Variants in GPCPD1 observed in about 807,000 individuals in gnomAD.
The protein encoded by GPCPD1 is glycerophosphocholine phosphodiesterase GPCPD1.
Under a neutral mutation model 89.2 loss-of-function variants are expected in GPCPD1, and 29 were observed. The observed-to-expected ratio is 0.33, with a 90% CI of 0.24 to 0.44. The LOEUF (loss-of-function observed/expected upper bound fraction) is 0.44, where lower values mean the gene tolerates loss of function less well. Among genes scored for constraint, GPCPD1 ranks in the 20% least tolerant of loss-of-function variants. The pLI is 1.00. For synonymous variants in GPCPD1, 258 were observed against 266.3 expected (o/e 0.97, Z 0.30); for missense variants, 594 against 808.9 (o/e 0.73, Z 3.22).
At chr20:5,597,319 G>A (rs908783149) in intron 3 of GPCPD1, among the ~76,000 whole-genome samples, 1 of 152,080 alleles carries the variant, frequency 6.6e-6, no homozygotes, top group African/African-American at 2.4e-5. Flanking sequence ...TTTACCACCA[G>A]TGCTCCTCAA....
intron 4 of GPCPD1, among the ~76,000 whole-genome samples, chr20:5,591,386 A>G (rs1266596911): frequency 6.6e-6 from 1 of 152,222 alleles, no homozygotes; most frequent in East Asian, 1.9e-4. Flanking sequence ...AAAAATCTGT[A>G]GTTCAAACCT....
intron 15 of GPCPD1, among the ~76,000 whole-genome samples, chr20:5,562,643 T>C (rs1253502257): frequency 1.3e-5 from 2 of 152,230 alleles, no homozygotes; most frequent in African/African-American, 4.8e-5. Context: ...ATATGGTATT[T>C]AATTTTTAAC....
rs1408758758 is a variant in GPCPD1, at chr20:5,578,427, G to C, written c.658C>G (p.Gln220Glu). The C allele has an allele frequency of 6.2e-7, 1 of 1,613,760 alleles. No homozygotes were observed. Among genetic ancestry groups the C allele is most frequent in the Non-Finnish European group, 8.5e-7 (1 of 1,179,740 alleles). The change falls in exon 8 of 20, where the codon CAG becomes GAG. Residue 220 changes from glutamine (Q) to glutamate (E), a missense_variant. Transcript: ENST00000379019. Reference sequence around the variant, plus strand: ...TCCAGGTTATCTGGTTCCATCGTCTGTATGCTGTACTCTGTCCAACGATCA... The same window carrying C: ...TCCAGGTTATCTGGTTCCATCGTCTCTATGCTGTACTCTGTCCAACGATCA... ...QPDRWTEYSI[Q>E]TMEPDNLELI...
intron 19 of GPCPD1, 99 bp downstream of exon 19, chr20:5,557,846 C>T (rs45463396): frequency 0.05 from 33,660 of 674,920 alleles, 1,041 homozygotes; most frequent in Middle Eastern, 0.063. Flanking sequence ...GGCTGAACTG[C>T]AGAATTTTAA....
At chr20:5,599,692 T>C (rs572311361) in intron 2 of GPCPD1, among the ~76,000 whole-genome samples, 1 of 151,838 alleles carries the variant, frequency 6.6e-6, no homozygotes, top group Non-Finnish European at 1.5e-5. Flanking sequence ...GTAGCTGGGA[T>C]TACAAGTGCG....
intron 4 of GPCPD1, among the ~76,000 whole-genome samples, chr20:5,590,981 C>T (rs1277626364): frequency 6.6e-6 from 1 of 151,906 alleles, no homozygotes; most frequent in East Asian, 1.9e-4. Flanking sequence ...GAGGAAACAT[C>T]CCTAATTCTA....
chr20:5,595,060 C>A, intron 3 of GPCPD1, among the ~76,000 whole-genome samples: 1 of 152,284 alleles, frequency 6.6e-6, no homozygotes, highest in Non-Finnish European at 1.5e-5. Flanking sequence ...CCTTCAGCAA[C>A]CACGACTCTG....
At position 5,558,757 on chromosome 20, in the gene GPCPD1, T is replaced by A. The variant is rs1427379636; in HGVS notation, c.1595A>T (p.Tyr532Phe). ...LFLTQGKSEI[Y>F]PELMDLRSRT... ...AGATCTGAGGTCCATGAGTTCAGGA[T>A]AAATCTCAGATTTTCCTTGAGTTAA... The change falls in exon 18 of 20, where the codon TAT becomes TTT. Residue 532 changes from tyrosine (Y) to phenylalanine (F), a missense_variant. Physicochemically the swap from Tyr to Phe is conservative, Grantham distance 22. Transcript: ENST00000379019. 5.6e-6 allele frequency: 9 copies of A among 1,598,016 alleles called. No homozygotes were observed. The highest frequency in any genetic ancestry group is 7.7e-6 in the Non-Finnish European group (9 of 1,170,186).
intron 4 of GPCPD1, among the ~76,000 whole-genome samples, chr20:5,592,895 AAC>A (rs1397638203): frequency 6.6e-6 from 1 of 152,228 alleles, no homozygotes; most frequent in African/African-American, 2.4e-5. Flanking sequence ...GATCAGAGTT[AAC>A]ACAGCCACTA....
chr20:5,585,256 C>G (rs1361688855), intron 5 of GPCPD1: 2 of 151,886 alleles, frequency 1.3e-5, no homozygotes, highest in Non-Finnish European at 2.9e-5. Flanking sequence ...AATACACTAT[C>G]AAAAATGTAT....
chr20:5,595,017 G>C (rs954974794), intron 3 of GPCPD1, among the ~76,000 whole-genome samples: 14 of 152,162 alleles, frequency 9.2e-5, no homozygotes, highest in African/African-American at 2.9e-4. Context: ...AAACTTCACT[G>C]TCTTATTTTA....
At chr20:5,568,996 T>C (rs908543085) in intron 12 of GPCPD1, among the ~76,000 whole-genome samples, 3 of 152,188 alleles carry the variant, frequency 2.0e-5, no homozygotes, top group Non-Finnish European at 4.4e-5. Flanking sequence ...TTCTCATTTA[T>C]CTTTTCATTA....
intron 3 of GPCPD1, among the ~76,000 whole-genome samples, chr20:5,596,099 T>G (rs1336823229): frequency 6.6e-6 from 1 of 151,954 alleles, no homozygotes; most frequent in Non-Finnish European, 1.5e-5. Context: ...TCTAAGCAAA[T>G]GTGGCAAATT....
At chr20:5,585,893 G>A (rs1978889098) in intron 5 of GPCPD1, 1 of 254,014 alleles carries the variant, frequency 3.9e-6, no homozygotes, top group African/African-American at 2.2e-5. Flanking sequence ...GCTCAGTCAA[G>A]AAGAATGGTA....
At chr20:5,565,292 T>C (rs138642098) in intron 14 of GPCPD1, among the ~76,000 whole-genome samples, 14 of 151,966 alleles carry the variant, frequency 9.2e-5, no homozygotes, top group Middle Eastern at 3.4e-3. Context: ...AGTGGAATGA[T>C]CATTGCTCAA....
chr20:5,556,913 G>A, intron 19 of GPCPD1, among the ~76,000 whole-genome samples: 1 of 152,330 alleles, frequency 6.6e-6, no homozygotes, highest in Middle Eastern at 3.4e-3. Flanking sequence ...CAAGTAAAAT[G>A]TAACACAGAA....
At chr20:5,582,549 C>T (rs1056336985) in intron 6 of GPCPD1, among the ~76,000 whole-genome samples, 1 of 152,254 alleles carries the variant, frequency 6.6e-6, no homozygotes, top group East Asian at 1.9e-4. Flanking sequence ...AACACAATTC[C>T]GCCCACCCGC....
At chr20:5,556,800 C>G (rs1470386508) in intron 19 of GPCPD1, among the ~76,000 whole-genome samples, 1 of 152,310 alleles carries the variant, frequency 6.6e-6, no homozygotes, top group East Asian at 1.9e-4. Flanking sequence ...TAGCAATGAA[C>G]AAATCAGGCA....
Position 5,561,421 on chromosome 20 carries a change from T to C in GPCPD1, c.1395+44A>G, listed in dbSNP as rs370307018. The C allele has an allele frequency of 7.0e-5, 70 of 999,702 alleles. 1 individual carries two copies. The African/African-American group carries it at 9.7e-4, about 14-fold the overall frequency. 61.9% of individuals were successfully genotyped at this position (999,702 alleles called of 1,614,324 possible). ...GACAGGAATGAAAGAATTTTTTAGA[T>C]AGGCATAGAGAGTATAGAATGTGCT... On this transcript the variant is annotated intron_variant, in intron 16 of 19. Transcript: ENST00000379019.
Sources: gnomAD v4.1 joint callset for allele counts (sites outside exome capture counted in the v4.1 genomes callset) on GRCh38, gnomAD v4.1.1 for gene constraint, MANE v1.5 for transcripts, NCBI Gene and HGNC (gene_info 2026-07-23, HGNC 2026-07-21) for gene names.